Variants in PPARGC1A observed in about 807,000 individuals in gnomAD.
PPARGC1A encodes PPARG coactivator 1 alpha.
PPARGC1A carries 25 observed loss-of-function variants against 88.7 expected under a neutral mutation model. That is an observed-to-expected ratio of 0.28 (90% CI 0.21 to 0.39). PPARGC1A has a LOEUF of 0.39. Among genes scored for constraint, PPARGC1A ranks in the 10% least tolerant of loss-of-function variants. PPARGC1A has a pLI of 1.00. For synonymous variants in PPARGC1A, 363 were observed against 355.6 expected (o/e 1.02, Z -0.24); for missense variants, 880 against 968.7 (o/e 0.91, Z 1.22).
At chr4:23,900,462 G>A (rs1399258883), upstream of PPARGC1A, among the ~76,000 whole-genome samples, 1 of 152,100 alleles carries the variant, frequency 6.6e-6, no homozygotes, top group African/African-American at 2.4e-5. Flanking sequence ...AAATATAAAT[G>A]CCTATTTTAC....
the PPARGC1A span, among the ~76,000 whole-genome samples, chr4:24,241,231 A>G: frequency 6.6e-6 from 1 of 152,214 alleles, no homozygotes; most frequent in Non-Finnish European, 1.5e-5. Flanking sequence ...AAAGTTTAGT[A>G]AAAAGCAAAA....
At chr4:24,208,999 C>A in the PPARGC1A span, among the ~76,000 whole-genome samples, 2 of 152,136 alleles carry the variant, frequency 1.3e-5, no homozygotes, top group Non-Finnish European at 2.9e-5. Context: ...AATTCTAGAA[C>A]CCATGCTCTT....
chr4:24,446,327 A>C, the PPARGC1A span, among the ~76,000 whole-genome samples: 1 of 152,232 alleles, frequency 6.6e-6, no homozygotes, highest in African/African-American at 2.4e-5. Context: ...CCTGATGATT[A>C]GTGCCTTTGA....
chr4:24,385,017 A>G, the PPARGC1A span, among the ~76,000 whole-genome samples: 3 of 152,206 alleles, frequency 2.0e-5, no homozygotes, highest in African/African-American at 7.2e-5. Context: ...AGCAAATGCA[A>G]ACAGAAATCA....
chr4:24,270,329 C>CTG, the PPARGC1A span, among the ~76,000 whole-genome samples: 2 of 130,778 alleles, frequency 1.5e-5, no homozygotes, highest in African/African-American at 5.2e-5. Flanking sequence ...CTCTCTCTCT[C>CTG]TCTCTGTGTG....
At chr4:24,244,257 T>C in the PPARGC1A span, among the ~76,000 whole-genome samples, 1 of 152,146 alleles carries the variant, frequency 6.6e-6, no homozygotes, top group Non-Finnish European at 1.5e-5. Context: ...CAACACATGA[T>C]TACAGGGGTG....
At chr4:24,195,555 G>T in the PPARGC1A span, among the ~76,000 whole-genome samples, 9 of 152,172 alleles carry the variant, frequency 5.9e-5, no homozygotes, top group Non-Finnish European at 2.9e-5. Context: ...ACTCGGACCA[G>T]ATTTGCGTAA....
chr4:23,820,254 A>C (rs532238270), intron 7 of PPARGC1A, among the ~76,000 whole-genome samples: 11 of 152,254 alleles, frequency 7.2e-5, no homozygotes, highest in African/African-American at 2.6e-4. Context: ...AACATATATC[A>C]ATGGAGAAAA....
At chr4:23,805,682 G>C (rs759762316) in intron 10 of PPARGC1A, among the ~76,000 whole-genome samples, 3 of 152,128 alleles carry the variant, frequency 2.0e-5, no homozygotes, top group Non-Finnish European at 4.4e-5. Context: ...AATGTGATGG[G>C]ACTGCTATCT....
the PPARGC1A span, among the ~76,000 whole-genome samples, chr4:24,120,005 A>G: frequency 1.4e-4 from 21 of 152,326 alleles, no homozygotes; most frequent in East Asian, 2.5e-3. Context: ...TAGTAGAGGA[A>G]GGCAGCTAAG....
At chr4:23,814,892 G>A (rs1246102727) in intron 7 of PPARGC1A, among the ~76,000 whole-genome samples, 1 of 152,068 alleles carries the variant, frequency 6.6e-6, no homozygotes, top group Non-Finnish European at 1.5e-5. Context: ...CAGAAAACAT[G>A]AATGCATCAC....
chr4:24,434,860 A>T, the PPARGC1A span, among the ~76,000 whole-genome samples: 2 of 152,306 alleles, frequency 1.3e-5, no homozygotes, highest in Non-Finnish European at 2.9e-5. Context: ...TCGTGGGGAG[A>T]ATGGGTGCTG....
At chr4:24,151,196 G>C in the PPARGC1A span, among the ~76,000 whole-genome samples, 3 of 152,198 alleles carry the variant, frequency 2.0e-5, no homozygotes, top group Admixed American at 1.3e-4. Context: ...TGGGTACCTA[G>C]TGTCTTAGTG....
At chr4:24,101,843 A>G in the PPARGC1A span, among the ~76,000 whole-genome samples, 2 of 152,204 alleles carry the variant, frequency 1.3e-5, no homozygotes, top group African/African-American at 4.8e-5. Flanking sequence ...TTAAATACCT[A>G]CTGTGTGCTA....
At chr4:24,387,813 A>AAAGAAAGG in the PPARGC1A span, among the ~76,000 whole-genome samples, 4 of 113,100 alleles carry the variant, frequency 3.5e-5, no homozygotes, top group East Asian at 1.1e-3. Flanking sequence ...AGAAAGAAAG[A>AAAGAAAGG]AAGAAAGAAA....
the PPARGC1A span, among the ~76,000 whole-genome samples, chr4:23,922,648 T>C: frequency 6.6e-6 from 1 of 152,200 alleles, no homozygotes; most frequent in Non-Finnish European, 1.5e-5. Context: ...TTTCTGTGTG[T>C]TTGTTTGGTT....
chr4:24,300,324 A>ATTTTTTTTTTTTTT, the PPARGC1A span, among the ~76,000 whole-genome samples: 4 of 45,028 alleles, frequency 8.9e-5, 1 homozygote, highest in Non-Finnish European at 1.8e-4. Flanking sequence ...ATACAATAGC[A>ATTTTTTTTTTTTTT]TTTTTTTTTT....
At chr4:24,426,691 A>G in the PPARGC1A span, among the ~76,000 whole-genome samples, 1 of 152,226 alleles carries the variant, frequency 6.6e-6, no homozygotes, top group African/African-American at 2.4e-5. Flanking sequence ...CTTAGAAATA[A>G]GCAATACAAT....
the PPARGC1A span, among the ~76,000 whole-genome samples, chr4:24,279,563 TCAAA>T: frequency 9.2e-5 from 14 of 152,044 alleles, no homozygotes; most frequent in African/African-American, 1.9e-4. Context: ...AAAAGTAAAA[TCAAA>T]CAAACAAAGA....
Sources: gnomAD v4.1 joint callset for allele counts (sites outside exome capture counted in the v4.1 genomes callset) on GRCh38, gnomAD v4.1.1 for gene constraint, MANE v1.5 for transcripts, NCBI Gene and HGNC (gene_info 2026-07-23, HGNC 2026-07-21) for gene names.